The following PARD3 variants were observed in gnomAD, a reference collection of about 807,000 sequenced individuals.
PARD3 encodes the protein par-3 family cell polarity regulator, also known as partitioning defective 3 homolog.
A neutral mutation model predicts 155.4 loss-of-function variants in PARD3; 75 were observed. That is an observed-to-expected ratio of 0.48 (90% CI 0.40 to 0.58). The LOEUF is 0.58. PARD3 is among the 20% of genes least tolerant of loss of function. The pLI is 0.00. For synonymous variants in PARD3, 576 were observed against 610.5 expected (o/e 0.94, Z 0.83); for missense variants, 1,642 against 1,721.7 (o/e 0.95, Z 0.82).
intron 22 of PARD3, among the ~76,000 whole-genome samples, chr10:34,255,772 C>T (rs1228622729): frequency 6.6e-6 from 1 of 152,120 alleles, no homozygotes; most frequent in African/African-American, 2.4e-5. Context: ...CAACATGAAA[C>T]TAAAGCAGTA....
chr10:34,293,361 C>T (rs75898538), intron 20 of PARD3, among the ~76,000 whole-genome samples: 11,248 of 152,044 alleles, frequency 0.074, 568 homozygotes, highest in Non-Finnish European at 0.1. Context: ...TCAAATTATA[C>T]CTACCCAGGT....
intron 2 of PARD3, among the ~76,000 whole-genome samples, chr10:34,665,271 G>A (rs1202839852): frequency 2.0e-5 from 3 of 152,060 alleles, no homozygotes; most frequent in South Asian, 4.1e-4. Context: ...CAGCACTTTG[G>A]GAGGCCGAGG....
At chr10:34,163,306 A>G (rs1949372598) in intron 22 of PARD3, among the ~76,000 whole-genome samples, 1 of 152,194 alleles carries the variant, frequency 6.6e-6, no homozygotes, top group Non-Finnish European at 1.5e-5. Flanking sequence ...GACTAAGATT[A>G]GAGCCATCCA....
chr10:34,606,638 C>CAAAAAAAAAAAAAAA (rs398013195), intron 2 of PARD3, among the ~76,000 whole-genome samples: 1 of 79,656 alleles, frequency 1.3e-5, no homozygotes, highest in African/African-American at 4.8e-5. Flanking sequence ...CCCGTGTCTT[C>CAAAAAAAAAAAAAAA]AAAAAAAAAA....
chr10:34,253,342 A>G (rs1170793552), intron 22 of PARD3, among the ~76,000 whole-genome samples: 4 of 152,200 alleles, frequency 2.6e-5, no homozygotes, highest in African/African-American at 9.7e-5. Context: ...CCCTAGCAAT[A>G]CTGTAAATCA....
chr10:34,370,955 C>T (rs999686058), intron 12 of PARD3, among the ~76,000 whole-genome samples: 6 of 152,018 alleles, frequency 3.9e-5, no homozygotes, highest in Non-Finnish European at 5.9e-5. Flanking sequence ...ATAAACACTA[C>T]GTAAACTATC....
chr10:34,386,356 C>A (rs371035568), intron 7 of PARD3, among the ~76,000 whole-genome samples: 1 of 152,142 alleles, frequency 6.6e-6, no homozygotes, highest in African/African-American at 2.4e-5. Flanking sequence ...ACTGATTTAT[C>A]TTCAGGAGCA....
chr10:34,494,115 G>A (rs560645023), intron 3 of PARD3, among the ~76,000 whole-genome samples: 8 of 152,248 alleles, frequency 5.3e-5, no homozygotes, highest in South Asian at 4.1e-4. Context: ...CTACTCTCCC[G>A]TAGTCACCAA....
rs907125861 is a variant in PARD3, at chr10:34,697,039, C to T, written c.121-620G>A. ...ACACACATATTAAAATGCGTAAACA[C>T]ACACACACACACACACCCCCCTCAA... On this transcript the variant is annotated intron_variant, in intron 1 of 24. Transcript: ENST00000374788. 2.9e-4 allele frequency among the ~76,000 whole-genome samples: 43 copies of T among 150,056 alleles called. 1 individual carries two copies. Among genetic ancestry groups the T allele is most frequent in the Middle Eastern group, 6.8e-3 (2 of 292 alleles).
At chr10:34,455,655 CA>C (rs1292741868) in intron 4 of PARD3, among the ~76,000 whole-genome samples, 1 of 151,954 alleles carries the variant, frequency 6.6e-6, no homozygotes. Flanking sequence ...GCTTAATCAC[CA>C]ACTTGTAAAT....
intron 14 of PARD3, among the ~76,000 whole-genome samples, chr10:34,353,988 T>C (rs1315899029): frequency 1.3e-5 from 2 of 151,622 alleles, no homozygotes; most frequent in Non-Finnish European, 2.9e-5. Flanking sequence ...TTTTTAAGTG[T>C]AGTTAGATAA....
At chr10:34,659,680 G>A (rs2093273256) in intron 2 of PARD3, among the ~76,000 whole-genome samples, 1 of 152,074 alleles carries the variant, frequency 6.6e-6, no homozygotes, top group African/African-American at 2.4e-5. Context: ...GTAAAAGGAT[G>A]GTGAAAATGA....
intron 4 of PARD3, among the ~76,000 whole-genome samples, chr10:34,451,534 T>TA (rs1470054928): frequency 6.6e-6 from 1 of 152,108 alleles, no homozygotes; most frequent in Non-Finnish European, 1.5e-5. Context: ...GTATAAAACT[T>TA]AGTTATAGAT....
chr10:34,526,851 C>T (rs753295249), intron 2 of PARD3, among the ~76,000 whole-genome samples: 7 of 152,170 alleles, frequency 4.6e-5, no homozygotes, highest in Non-Finnish European at 8.8e-5. Context: ...AGGGTAATTC[C>T]GTCTCTACCA....
intron 22 of PARD3, among the ~76,000 whole-genome samples, chr10:34,229,661 C>CAT (rs1554814523): frequency 6.9e-6 from 1 of 145,618 alleles, no homozygotes; most frequent in Non-Finnish European, 1.5e-5. Flanking sequence ...GTTGAGGGTG[C>CAT]GTGTGTGTGT....
intron 22 of PARD3, among the ~76,000 whole-genome samples, chr10:34,215,942 C>T (rs1300354717): frequency 9.2e-5 from 14 of 152,106 alleles, no homozygotes; most frequent in Non-Finnish European, 4.4e-5. Flanking sequence ...ATTGTATACA[C>T]TTTTTGCATT....
intron 2 of PARD3, among the ~76,000 whole-genome samples, chr10:34,536,442 T>C (rs1358701875): frequency 1.3e-5 from 2 of 152,198 alleles, no homozygotes; most frequent in African/African-American, 2.4e-5. Context: ...TTTCAAAGAC[T>C]GTAAACAACA....
At chr10:34,386,817 CAAAA>C (rs79015033) in intron 7 of PARD3, among the ~76,000 whole-genome samples, 3 of 85,502 alleles carry the variant, frequency 3.5e-5, no homozygotes. Flanking sequence ...AAACTCCGTC[CAAAA>C]AAAAAAAAAA....
intron 2 of PARD3, among the ~76,000 whole-genome samples, chr10:34,522,857 A>C (rs2082238063): frequency 6.6e-6 from 1 of 152,208 alleles, no homozygotes. Context: ...ATAAATACAG[A>C]ATAAATTTGA....
Sources: allele counts gnomAD v4.1 joint callset (sites outside exome capture counted in the v4.1 genomes callset), GRCh38; gene constraint gnomAD v4.1.1; transcripts MANE v1.5; gene names NCBI Gene and HGNC (gene_info 2026-07-23, HGNC 2026-07-21).